The following EPHB2 variants were observed in gnomAD, a reference collection of about 807,000 sequenced individuals.
EPHB2 encodes EPH receptor B2, also known as ephrin type-B receptor 2.
In EPHB2, 18 loss-of-function variants were observed where a neutral mutation model predicts 96.4. The observed-to-expected ratio is 0.19, with a 90% confidence interval of 0.13 to 0.28. The LOEUF is 0.28. Ranked by LOEUF, EPHB2 falls within the 10% of genes least tolerant of loss-of-function variation. EPHB2 has a pLI of 1.00. For synonymous variants in EPHB2, 506 were observed against 534.1 expected, an observed-to-expected ratio of 0.95 and a Z score of 0.72; for missense variants, 989 against 1,355.4, an observed-to-expected ratio of 0.73 and a Z score of 4.25.
chr1:22,714,418 A>T (rs1570135131), intron 1 of EPHB2, among the ~76,000 whole-genome samples: 1 of 152,302 alleles, frequency 6.6e-6, no homozygotes, highest in East Asian at 1.9e-4. Context: ...GGAGAATTTT[A>T]CCTAAAAAAG....
At chr1:22,868,827 C>A (rs1638567817) in intron 5 of EPHB2, among the ~76,000 whole-genome samples, 1 of 152,178 alleles carries the variant, frequency 6.6e-6, no homozygotes, top group Non-Finnish European at 1.5e-5. Flanking sequence ...TTCTAATCTA[C>A]CATGCACGTG....
chr1:22,811,856 TAGTG>T (rs1219555044), intron 3 of EPHB2, among the ~76,000 whole-genome samples: 4 of 151,840 alleles, frequency 2.6e-5, no homozygotes, highest in Admixed American at 2.0e-4. Context: ...CTGGGCAACA[TAGTG>T]AGACCCCATC....
intron 3 of EPHB2, among the ~76,000 whole-genome samples, chr1:22,807,692 G>C (rs1557686500): frequency 6.6e-6 from 1 of 152,176 alleles, no homozygotes. Flanking sequence ...AATGGTGGAG[G>C]GCTCTACAGA....
chr1:22,836,435 T>C (rs1263816484), intron 3 of EPHB2, among the ~76,000 whole-genome samples: 1 of 152,244 alleles, frequency 6.6e-6, no homozygotes, highest in Non-Finnish European at 1.5e-5. Flanking sequence ...TCAATGGGCA[T>C]GTATTTTGGT....
At chr1:22,838,990 G>A (rs1427467619) in intron 3 of EPHB2, among the ~76,000 whole-genome samples, 2 of 152,066 alleles carry the variant, frequency 1.3e-5, no homozygotes, top group Non-Finnish European at 2.9e-5. Flanking sequence ...TACTAGAGAA[G>A]GGTGTGGGGT....
At chr1:22,891,310 G>A (rs998366674) in intron 6 of EPHB2, 8 of 415,976 alleles carry the variant, frequency 1.9e-5, no homozygotes, top group Admixed American at 1.5e-4. Context: ...CAAGGGCTCC[G>A]TGCACTCTGT....
chr1:22,719,526 G>A (rs1015146400), intron 1 of EPHB2: 2 of 153,876 alleles, frequency 1.3e-5, no homozygotes, highest in African/African-American at 4.8e-5. Flanking sequence ...AGCACCAGGG[G>A]TACCTCTCTA....
chr1:22,765,161 C>A lies in EPHB2; in HGVS notation c.62-16260C>A, dbSNP rs556473278. 1.2e-4 allele frequency among the ~76,000 whole-genome samples: 19 copies of A among 152,232 alleles called. No homozygotes were observed. The South Asian group carries it at 3.7e-3, about 30-fold the overall frequency. On this transcript the variant is annotated intron_variant, in intron 1 of 15. Transcript: ENST00000374630. ...ACACCACTGAGTGTTTGACAGGGAG[C>A]CTTGGCCCAGAACTCTGAGGCTGTC...
At position 22,868,478 on chromosome 1, in the gene EPHB2, C is replaced by T. The variant is rs191444773; in HGVS notation, c.1303+3266C>T. Among the ~76,000 whole-genome samples the T allele has an allele frequency of 1.1e-3, 169 of 152,306 alleles. 2 individuals carry two copies. Among genetic ancestry groups the T allele is most frequent in the African/African-American group, 3.5e-3 (146 of 41,582 alleles). On this transcript the variant is annotated intron_variant, in intron 5 of 15. Coordinates refer to ENST00000374630, the MANE Select transcript of EPHB2 (RefSeq NM_017449.5). The stretch of plus-strand genomic sequence containing the variant: ...TAAACAATAAATATTTATTTTCTCA[C>T]TCACTAGTGTGTGGGTCAGCTAGGG...
At chr1:22,788,758 T>G (rs55869146) in intron 3 of EPHB2, among the ~76,000 whole-genome samples, 1,210 of 49,006 alleles carry the variant, frequency 0.025, 16 homozygotes, top group Middle Eastern at 0.13. Context: ...TTTTTGTTTT[T>G]TTTTTTTTTT....
chr1:22,784,914 A>G lies in EPHB2; in HGVS notation c.649A>G (p.Thr217Ala). 6.2e-7 allele frequency: 1 copy of G among 1,614,034 alleles called. No individual in the cohort carries two copies. The highest frequency in any genetic ancestry group is 2.2e-5 in the East Asian group (1 of 44,890). ...GGAAACCCTGTCGGGGGCTGAGAGC[A>G]CATCGCTGGTGGCTGCCCGGGGCAG... ...FQETLSGAES[T>A]SLVAARGSCI... The change falls in exon 3 of 16, where the codon ACA (threonine) becomes GCA (alanine). Residue 217 changes from threonine to alanine, a missense_variant. By Grantham distance (58) the Thr-to-Ala change is moderately conservative. Transcript: ENST00000374630. The surrounding 1 kb of genome is among the most constrained non-coding windows in gnomAD (Gnocchi z 5.1).
At chr1:22,718,675 A>G (rs1264373620) in intron 1 of EPHB2, among the ~76,000 whole-genome samples, 1 of 152,166 alleles carries the variant, frequency 6.6e-6, no homozygotes. Flanking sequence ...GGTGTGAGCC[A>G]CCGCGCCCAG....
At chr1:22,716,006 T>A (rs1251913226) in intron 1 of EPHB2, among the ~76,000 whole-genome samples, 1 of 152,146 alleles carries the variant, frequency 6.6e-6, no homozygotes, top group African/African-American at 2.4e-5. Context: ...TGGCATTTAA[T>A]TTGTCCAGGC....
intron 1 of EPHB2, among the ~76,000 whole-genome samples, chr1:22,753,580 G>A (rs1458742802): frequency 6.6e-6 from 1 of 152,220 alleles, no homozygotes; most frequent in African/African-American, 2.4e-5. Context: ...GGCTGGCTAG[G>A]TGCAGAGACC....
At chr1:22,820,048 C>T (rs1440535012) in intron 3 of EPHB2, among the ~76,000 whole-genome samples, 2 of 152,108 alleles carry the variant, frequency 1.3e-5, no homozygotes, top group Non-Finnish European at 1.5e-5. Context: ...CAGACCCTCC[C>T]CAAGGTTATC....
At chr1:22,777,713 T>G (rs1644472172) in intron 1 of EPHB2, among the ~76,000 whole-genome samples, 1 of 152,128 alleles carries the variant, frequency 6.6e-6, no homozygotes, top group African/African-American at 2.4e-5. Context: ...GCTTGTCAGA[T>G]GTTGGCAGGC....
intron 3 of EPHB2, among the ~76,000 whole-genome samples, chr1:22,840,237 T>A (rs754760637): frequency 5.3e-5 from 8 of 152,110 alleles, no homozygotes; most frequent in Non-Finnish European, 8.8e-5. Context: ...TCTAGCGTGG[T>A]GTGTGGCATT....
chr1:22,906,829 G>A lies in EPHB2; in HGVS notation c.2008G>A (p.Glu670Lys), dbSNP rs754481306. 17 of 1,614,080 alleles carry A rather than the reference G, an allele frequency of 1.1e-5. No individual in the cohort carries two copies. The highest frequency in any genetic ancestry group is 1.4e-5 in the Non-Finnish European group (16 of 1,180,052). Residue 670 changes from glutamate to lysine, a missense_variant, in exon 11 of 16, where the codon GAA (glutamate) becomes AAA (lysine). Transcript: ENST00000374630. This position sits in a 1 kb window ranked among gnomAD's most constrained non-coding sequence, Gnocchi z 4.8. ...TEKQRRDFLS[E>K]ASIMGQFDHP... ...GAAGCAGCGCCGGGACTTCCTGAGCGAAGCCTCCATCATGGGCCAGTTCGA... is the reference window on the plus strand; with the variant it reads ...GAAGCAGCGCCGGGACTTCCTGAGCAAAGCCTCCATCATGGGCCAGTTCGA...
At chr1:22,757,263 C>G (rs182432938) in intron 1 of EPHB2, among the ~76,000 whole-genome samples, 1 of 151,884 alleles carries the variant, frequency 6.6e-6, no homozygotes, top group African/African-American at 2.4e-5. Context: ...GAGACCCCAG[C>G]CTCACTGGGG....
Sources: allele counts gnomAD v4.1 joint callset (sites outside exome capture counted in the v4.1 genomes callset), GRCh38; gene constraint gnomAD v4.1.1; non-coding constraint Gnocchi (gnomAD v3.1); transcripts MANE v1.5; gene names NCBI Gene and HGNC (gene_info 2026-07-23, HGNC 2026-07-21).